MYO18B: variants seen among roughly 807,000 people sequenced by gnomAD.
MYO18B encodes myosin XVIIIB, also known as unconventional myosin-XVIIIb.
Under a neutral mutation model 273.0 loss-of-function variants are expected in MYO18B, and 204 were observed. The observed-to-expected ratio is 0.75, with a 90% confidence interval of 0.67 to 0.84. The LOEUF is 0.84. Ranked by LOEUF, MYO18B falls within the 40% of genes least tolerant of loss-of-function variation. The pLI is 0.00. For synonymous variants in MYO18B, 1,330 were observed against 1,305.7 expected (o/e 1.02, Z -0.40); for missense variants, 3,212 against 3,287.6 (o/e 0.98, Z 0.56).
intron 11 of MYO18B, among the ~76,000 whole-genome samples, chr22:25,790,532 A>T (rs932070793): frequency 6.6e-6 from 1 of 152,094 alleles, no homozygotes; most frequent in African/African-American, 2.4e-5. Flanking sequence ...CCTAAGTTCC[A>T]TGAGGGTGGG....
In MYO18B at chr22:26,004,859, A is replaced by G; in HGVS notation, c.6470+4A>G. 1.2e-6 allele frequency: 2 copies of G among 1,613,434 alleles called. No individual in the cohort carries two copies. The highest frequency in any genetic ancestry group is 1.7e-6 in the Non-Finnish European group (2 of 1,179,570). Reference sequence around the variant, plus strand: ...GCAGCCGCATCCTCAGCCCCAGGTAAGAGTATCTCCTTGCTGCCTCTGGAT... The same window carrying G: ...GCAGCCGCATCCTCAGCCCCAGGTAGGAGTATCTCCTTGCTGCCTCTGGAT... On this transcript the variant is annotated splice_donor_region_variant and intron_variant, in intron 42 of 43. Transcript: ENST00000335473.
At chr22:25,800,233 G>A (rs112744374) in intron 12 of MYO18B, among the ~76,000 whole-genome samples, 9,989 of 152,142 alleles carry the variant, frequency 0.066, 570 homozygotes, top group East Asian at 0.21. Context: ...ATTTGGTACA[G>A]TGTACACCGC....
intron 12 of MYO18B, among the ~76,000 whole-genome samples, chr22:25,821,664 C>T (rs779131600): frequency 1.1e-4 from 16 of 152,090 alleles, no homozygotes; most frequent in Non-Finnish European, 2.1e-4. Flanking sequence ...GTAGTTCCAG[C>T]TACACGGGAG....
intron 39 of MYO18B, among the ~76,000 whole-genome samples, chr22:25,991,033 C>T (rs1295332034): frequency 4.2e-5 from 2 of 47,454 alleles, no homozygotes; most frequent in African/African-American, 3.4e-4. Context: ...GGATCTATTC[C>T]GTTTGCTTCA....
intron 17 of MYO18B, among the ~76,000 whole-genome samples, chr22:25,843,482 AG>A (rs1482318441): frequency 3.3e-5 from 5 of 152,196 alleles, no homozygotes; most frequent in Non-Finnish European, 5.9e-5. Context: ...GAAAAACTCG[AG>A]GAGATCGAGT....
chr22:25,948,488 CTT>C (rs1491588729), intron 36 of MYO18B, among the ~76,000 whole-genome samples: 2 of 123,218 alleles, frequency 1.6e-5, no homozygotes, highest in African/African-American at 3.2e-5. Flanking sequence ...CTTTCTTTCT[CTT>C]TCTTTCTTTC....
At chr22:25,863,250 G>A (rs117800187) in intron 21 of MYO18B, among the ~76,000 whole-genome samples, 444 of 152,140 alleles carry the variant, frequency 2.9e-3, no homozygotes, top group Non-Finnish European at 5.1e-3. Context: ...ATTAAGCATT[G>A]TTTCTTTTAG....
At chr22:25,867,596 A>G (rs893107288) in intron 21 of MYO18B, among the ~76,000 whole-genome samples, 3 of 151,536 alleles carry the variant, frequency 2.0e-5, no homozygotes, top group African/African-American at 7.3e-5. Flanking sequence ...ACACAAATAT[A>G]TAAATATCTC....
chr22:25,957,321 C>T (rs2092865164), intron 39 of MYO18B, among the ~76,000 whole-genome samples: 1 of 152,186 alleles, frequency 6.6e-6, no homozygotes, highest in African/African-American at 2.4e-5. Context: ...ATTCCTGGGG[C>T]CATATTCTGA....
At chr22:26,049,175 C>T in the MYO18B span, among the ~76,000 whole-genome samples, 1 of 152,148 alleles carries the variant, frequency 6.6e-6, no homozygotes, top group Non-Finnish European at 1.5e-5. Flanking sequence ...CAAACAGTAC[C>T]CTAAAGATCT....
At chr22:25,995,589 A>T (rs1933150507) in intron 40 of MYO18B, among the ~76,000 whole-genome samples, 1 of 152,248 alleles carries the variant, frequency 6.6e-6, no homozygotes, top group Non-Finnish European at 1.5e-5. Context: ...ACAAGAAGCA[A>T]GGGACAGACA....
At chr22:25,859,302 T>C (rs1327006992) in intron 21 of MYO18B, among the ~76,000 whole-genome samples, 3 of 152,220 alleles carry the variant, frequency 2.0e-5, no homozygotes, top group African/African-American at 7.2e-5. Flanking sequence ...ATTTTCTGAC[T>C]ATTATGAAAA....
chr22:25,943,592 C>G (rs1402820446), intron 34 of MYO18B, among the ~76,000 whole-genome samples: 1 of 152,110 alleles, frequency 6.6e-6, no homozygotes, highest in African/African-American at 2.4e-5. Flanking sequence ...AGTGAGGTTT[C>G]TGTTCCTCAG....
chr22:25,888,297 T>C (rs1248178676), intron 25 of MYO18B, among the ~76,000 whole-genome samples: 1 of 152,206 alleles, frequency 6.6e-6, no homozygotes, highest in Non-Finnish European at 1.5e-5. Context: ...AGGGTCTCAC[T>C]CTGTCACTCA....
At chr22:25,989,946 C>G (rs915395871) in intron 39 of MYO18B, among the ~76,000 whole-genome samples, 3 of 152,132 alleles carry the variant, frequency 2.0e-5, no homozygotes, top group African/African-American at 7.2e-5. Context: ...GCCTGGGGGC[C>G]CCAACCTCGG....
At chr22:26,038,900 A>C in the MYO18B span, among the ~76,000 whole-genome samples, 1 of 152,192 alleles carries the variant, frequency 6.6e-6, no homozygotes, top group South Asian at 2.1e-4. Context: ...CTGCATCAAG[A>C]CTAAAGCCAA....
intron 42 of MYO18B, among the ~76,000 whole-genome samples, chr22:26,023,450 CTA>C (rs1491245315): frequency 6.6e-6 from 1 of 151,632 alleles, no homozygotes; most frequent in African/African-American, 2.4e-5. Flanking sequence ...TTTTTCCCCC[CTA>C]TGTTTTTGGC....
intron 39 of MYO18B, among the ~76,000 whole-genome samples, chr22:25,990,083 CTCA>C (rs770840582): frequency 7.9e-5 from 12 of 152,246 alleles, no homozygotes; most frequent in Non-Finnish European, 1.6e-4. Context: ...CCTTCTCCCT[CTCA>C]TCAGCTTGAC....
At chr22:25,802,634 T>A (rs2088256219) in intron 12 of MYO18B, among the ~76,000 whole-genome samples, 1 of 150,986 alleles carries the variant, frequency 6.6e-6, no homozygotes, top group Non-Finnish European at 1.5e-5. Context: ...ACACCTATGG[T>A]CCCAGCTACT....
Sources: gnomAD v4.1 joint callset for allele counts (sites outside exome capture counted in the v4.1 genomes callset) on GRCh38, gnomAD v4.1.1 for gene constraint, MANE v1.5 for transcripts, NCBI Gene and HGNC (gene_info 2026-07-23, HGNC 2026-07-21) for gene names.